The following TENM1 variants were observed in gnomAD, a reference collection of about 807,000 sequenced individuals.
TENM1 encodes teneurin-1.
In TENM1, 35 loss-of-function variants were observed where a neutral mutation model predicts 174.8. The ratio of observed to expected loss-of-function variants is 0.20; its 90% CI spans 0.15 to 0.27. The LOEUF (loss-of-function observed/expected upper bound fraction) is 0.27. Ranked by LOEUF, TENM1 falls within the 10% of genes least tolerant of loss-of-function variation. The pLI is 1.00. For synonymous variants in TENM1, 781 were observed against 798.7 expected (o/e 0.98, Z 0.37); for missense variants, 1,633 against 2,130.1 (o/e 0.77, Z 4.59).
the TENM1 span, among the ~76,000 whole-genome samples, chrX:125,195,706 A>G: frequency 9.0e-6 from 1 of 111,676 alleles, no homozygotes; most frequent in South Asian, 3.7e-4. Flanking sequence ...GAGTACATCT[A>G]TAATAAATAC....
At chrX:124,864,853 TAAAAGAG>T (rs1013983148) in intron 3 of TENM1, among the ~76,000 whole-genome samples, 23 of 110,000 alleles carry the variant, frequency 2.1e-4, no homozygotes, top group East Asian at 2.8e-4. Flanking sequence ...AAAAGGATCC[TAAAAGAG>T]AAAAGAGAAA....
intron 3 of TENM1, among the ~76,000 whole-genome samples, chrX:124,892,188 C>A (rs1340257267): frequency 1.8e-5 from 2 of 111,523 alleles, no homozygotes; most frequent in Non-Finnish European, 3.8e-5. Context: ...TCTTGACAGA[C>A]AATTCAGCAT....
chrX:124,816,203 G>A lies in TENM1; in HGVS notation c.535+78093C>T, dbSNP rs191776432. 2.0e-3 allele frequency among the ~76,000 whole-genome samples: 225 copies of A among 111,688 alleles called. 1 individual carries two copies. The highest frequency in any genetic ancestry group is 1.6e-3 in the Non-Finnish European group (85 of 52,973). ...TATCAGCATCACTGGGAAGAAAGGA[G>A]ATGATAAAATAGGTGTTGATAAAAC... On this transcript the variant is annotated intron_variant, in intron 3 of 31. Transcript: ENST00000422452.
At chrX:124,984,661 T>G in the TENM1 span, among the ~76,000 whole-genome samples, 19 of 111,757 alleles carry the variant, frequency 1.7e-4, no homozygotes, top group African/African-American at 5.5e-4. Flanking sequence ...TCTGTGGATT[T>G]AACATTAAGT....
the TENM1 span, among the ~76,000 whole-genome samples, chrX:125,019,891 T>C: frequency 9.0e-6 from 1 of 111,711 alleles, no homozygotes; most frequent in African/African-American, 3.2e-5. Flanking sequence ...AATAAGTCCA[T>C]GGCATAATTG....
At chrX:124,520,179 T>C (rs2047808796) in intron 18 of TENM1, among the ~76,000 whole-genome samples, 1 of 111,867 alleles carries the variant, frequency 8.9e-6, no homozygotes, top group African/African-American at 3.2e-5. Context: ...GAAATGACAG[T>C]CTAAATGTCA....
chrX:124,772,563 G>GC (rs2054681847), intron 3 of TENM1, among the ~76,000 whole-genome samples: 1 of 111,194 alleles, frequency 9.0e-6, no homozygotes, highest in African/African-American at 3.3e-5. Context: ...CCCTTAAATG[G>GC]CATATAAAAA....
the TENM1 span, among the ~76,000 whole-genome samples, chrX:125,030,542 T>C: frequency 2.7e-5 from 3 of 112,352 alleles, no homozygotes; most frequent in African/African-American, 9.7e-5. Context: ...TTATCCCTTC[T>C]TTTCCCCAGA....
At chrX:125,125,550 G>A in the TENM1 span, among the ~76,000 whole-genome samples, 37 of 111,659 alleles carry the variant, frequency 3.3e-4, no homozygotes, top group African/African-American at 1.0e-3. Flanking sequence ...TACCTTTTCC[G>A]CAGAAAAGTG....
the TENM1 span, among the ~76,000 whole-genome samples, chrX:125,170,616 C>A: frequency 9.0e-6 from 1 of 111,158 alleles, no homozygotes; most frequent in Non-Finnish European, 1.9e-5. Context: ...GATTTCACGA[C>A]AGGAAGAAAA....
chrX:124,413,365 C>T (rs972510535), intron 25 of TENM1, among the ~76,000 whole-genome samples: 3 of 111,573 alleles, frequency 2.7e-5, no homozygotes, highest in East Asian at 5.6e-4. Flanking sequence ...TTATATTCTC[C>T]GTGTCTGGAA....
chrX:124,441,081 A>T (rs762371775), intron 23 of TENM1, among the ~76,000 whole-genome samples: 1 of 111,694 alleles, frequency 9.0e-6, no homozygotes, highest in East Asian at 2.8e-4. Flanking sequence ...AACTGACATG[A>T]CCTCCTTAGG....
intron 5 of TENM1, among the ~76,000 whole-genome samples, chrX:124,678,915 G>A (rs2052160128): frequency 9.0e-6 from 1 of 110,893 alleles, no homozygotes; most frequent in African/African-American, 3.3e-5. Context: ...CTCTCTTACA[G>A]GTAATTTTTG....
At chrX:124,832,136 T>C in intron 3 of TENM1, among the ~76,000 whole-genome samples, 1 of 112,063 alleles carries the variant, frequency 8.9e-6, no homozygotes. Context: ...CCTCCCCCTC[T>C]TTTAATGCAA....
chrX:124,471,395 TAATATATATTATAA>T (rs1569533486), intron 22 of TENM1, among the ~76,000 whole-genome samples: 3 of 28,673 alleles, frequency 1.0e-4, no homozygotes, highest in African/African-American at 4.0e-4. Context: ...GTACTATATA[TAATATATATTATAA>T]TATATAGTAA....
the TENM1 span, among the ~76,000 whole-genome samples, chrX:125,171,092 T>C: frequency 9.0e-6 from 1 of 111,113 alleles, no homozygotes; most frequent in African/African-American, 3.3e-5. Flanking sequence ...TTTTTGTATC[T>C]ATTATATCCC....
chrX:125,030,209 G>C, the TENM1 span, among the ~76,000 whole-genome samples: 1 of 111,691 alleles, frequency 9.0e-6, no homozygotes, highest in African/African-American at 3.3e-5. Flanking sequence ...CAATTGGCTA[G>C]ACATTCTCAA....
chrX:125,191,577 A>C, the TENM1 span, among the ~76,000 whole-genome samples: 3 of 112,144 alleles, frequency 2.7e-5, no homozygotes, highest in Non-Finnish European at 5.6e-5. Context: ...GTAAGAAAGT[A>C]AACCTGGAGA....
At chrX:124,574,088 C>A (rs1188597010) in intron 11 of TENM1, among the ~76,000 whole-genome samples, 2 of 111,765 alleles carry the variant, frequency 1.8e-5, no homozygotes, top group Admixed American at 1.9e-4. Flanking sequence ...TGGAAAAGAA[C>A]ATGAAAAATA....
Sources: allele counts gnomAD v4.1 joint callset (sites outside exome capture counted in the v4.1 genomes callset), GRCh38; gene constraint gnomAD v4.1.1; transcripts MANE v1.5; gene names NCBI Gene and HGNC (gene_info 2026-07-23, HGNC 2026-07-21).